Variants in ACTR3B observed in about 807,000 individuals in gnomAD.
ACTR3B encodes actin-related protein 3B.
A neutral mutation model predicts 59.0 loss-of-function variants in ACTR3B; 8 were observed. That is an observed-to-expected ratio of 0.14 (90% CI 0.08 to 0.24). The LOEUF is 0.24. ACTR3B is among the 10% of genes least tolerant of loss of function. The probability of loss-of-function intolerance (pLI) is 1.00; values close to 1 mark genes in which losing one functional copy is unlikely to be tolerated. For missense variants in ACTR3B, 245 were observed against 552.3 expected, an observed-to-expected ratio of 0.44 and a Z score of 5.58; for synonymous variants, 148 against 197.9, an observed-to-expected ratio of 0.75 and a Z score of 2.12.
At chr7:152,763,005 T>C (rs1395469736) in intron 1 of ACTR3B, among the ~76,000 whole-genome samples, 2 of 152,166 alleles carry the variant, frequency 1.3e-5, no homozygotes, top group Non-Finnish European at 2.9e-5. Flanking sequence ...GTTCAGTTAC[T>C]ATTTTTCTTT....
chr7:152,813,445 T>C (rs1344169661), intron 4 of ACTR3B: 2 of 152,266 alleles, frequency 1.3e-5, no homozygotes, highest in Non-Finnish European at 2.9e-5. Context: ...CGGTTATTGT[T>C]TTAAAATAGA....
rs749074415 is a variant in ACTR3B at position 152,825,125 on chromosome 7, A to G, written c.951+3A>G. 6.2e-7 allele frequency: 1 copy of G among 1,612,476 alleles called. No homozygotes were observed. The highest frequency in any genetic ancestry group is 8.5e-7 in the Non-Finnish European group (1 of 1,179,440). On this transcript the variant is annotated splice_donor_region_variant and intron_variant, in intron 9 of 11. Transcript: ENST00000256001. ...ATGTGCGGCGCCCGCTGTATAAGGTATGAGCTGCCTGGGTAAGGTACTTTG... is the reference window on the plus strand; with the variant it reads ...ATGTGCGGCGCCCGCTGTATAAGGTGTGAGCTGCCTGGGTAAGGTACTTTG...
chr7:152,783,339 T>TA lies in ACTR3B; in HGVS notation c.100+98dup, dbSNP rs1195896088. ...GTTTTTCAAGGTATATTAATGTACT[T>TA]ACCATCTTCTTTTAGAAGACCGTTC... On this transcript the variant is annotated intron_variant, in intron 2 of 11. Coordinates refer to ENST00000256001, the MANE Select transcript of ACTR3B (RefSeq NM_020445.6). 5 of 1,494,408 alleles carry TA rather than the reference T, an allele frequency of 3.3e-6. No homozygotes were observed. The African/African-American group carries it at 7.0e-5, about 21-fold the overall frequency. The allele number at this position is 1,494,408 out of a possible 1,614,324, so 92.6% of individuals were successfully genotyped here.
chr7:152,840,682 C>T (rs1162438278), intron 9 of ACTR3B, among the ~76,000 whole-genome samples: 5 of 115,002 alleles, frequency 4.3e-5, no homozygotes, highest in Non-Finnish European at 7.4e-5. Flanking sequence ...TGTCACTTAA[C>T]ACTTGTATGT....
At chr7:152,823,971 A>G (rs1796384041) in intron 8 of ACTR3B, among the ~76,000 whole-genome samples, 1 of 152,218 alleles carries the variant, frequency 6.6e-6, no homozygotes, top group Non-Finnish European at 1.5e-5. Flanking sequence ...CAAGTTAGGT[A>G]AAGCTTCTGT....
chr7:152,772,172 G>T (rs1438839911), intron 1 of ACTR3B, among the ~76,000 whole-genome samples: 4 of 151,996 alleles, frequency 2.6e-5, no homozygotes, highest in Admixed American at 6.6e-5. Context: ...AATCACCTTA[G>T]TCTTGGGGTT....
At chr7:152,795,180 A>G (rs1297987065) in intron 2 of ACTR3B, among the ~76,000 whole-genome samples, 3 of 152,152 alleles carry the variant, frequency 2.0e-5, no homozygotes, top group African/African-American at 7.2e-5. Flanking sequence ...GATTACAGGC[A>G]TGGGCCACCA....
At chr7:152,778,902 C>T (rs1180624404) in intron 1 of ACTR3B, among the ~76,000 whole-genome samples, 3 of 119,234 alleles carry the variant, frequency 2.5e-5, no homozygotes, top group Non-Finnish European at 4.8e-5. Context: ...GTGATCACAC[C>T]ACTGTACTCC....
chr7:152,829,210 G>A (rs991915073), intron 9 of ACTR3B, among the ~76,000 whole-genome samples: 3 of 152,034 alleles, frequency 2.0e-5, no homozygotes, highest in African/African-American at 7.2e-5. Context: ...TTTTCAGTGT[G>A]TACAGTGAGA....
chr7:152,801,827 C>T (rs1382151457), intron 4 of ACTR3B, 96 bp downstream of exon 4: 4 of 564,272 alleles, frequency 7.1e-6, no homozygotes, highest in Non-Finnish European at 1.2e-5. Flanking sequence ...TTTTAAATTT[C>T]TTCTAAAGAT....
At chr7:152,829,553 A>AG (rs1491278725) in intron 9 of ACTR3B, among the ~76,000 whole-genome samples, 1 of 152,178 alleles carries the variant, frequency 6.6e-6, no homozygotes, top group African/African-American at 2.4e-5. Flanking sequence ...CAGAAATGAC[A>AG]GGGGTGGGGC....
rs1796044010 is a variant in ACTR3B, at chr7:152,820,309, A to T, written c.551A>T (p.Tyr184Phe). 6.3e-7 allele frequency: 1 copy of T among 1,588,646 alleles called. No individual in the cohort carries two copies. Among genetic ancestry groups the T allele is most frequent in the African/African-American group, 1.3e-5 (1 of 74,686 alleles). Reference sequence around the variant, plus strand: ...CCTCTTCTTCCCTAGGCAGAAGGTTATGTAATTGGAAGCTGCATCAAACAC... The same window carrying T: ...CCTCTTCTTCCCTAGGCAGAAGGTTTTGTAATTGGAAGCTGCATCAAACAC... ...VTHVIPVAEG[Y>F]VIGSCIKHIP... The change falls in exon 7 of 12, where the codon TAT (tyrosine) becomes TTT (phenylalanine). Residue 184 changes from tyrosine to phenylalanine, a missense_variant. By Grantham distance (22) the Tyr-to-Phe change is conservative. Coordinates refer to ENST00000256001, the MANE Select transcript of ACTR3B (RefSeq NM_020445.6).
At chr7:152,762,268 T>C (rs2098091824) in intron 1 of ACTR3B, among the ~76,000 whole-genome samples, 1 of 152,242 alleles carries the variant, frequency 6.6e-6, no homozygotes, top group African/African-American at 2.4e-5. Flanking sequence ...AAGGGATGAC[T>C]AGGCTGCATA....
chr7:152,831,715 A>G (rs1158027749), intron 9 of ACTR3B, among the ~76,000 whole-genome samples: 2 of 152,134 alleles, frequency 1.3e-5, no homozygotes, highest in Non-Finnish European at 2.9e-5. Flanking sequence ...ACTAGGGTGA[A>G]GGAGAAGTAG....
intron 9 of ACTR3B, among the ~76,000 whole-genome samples, chr7:152,828,665 A>C (rs1375562864): frequency 6.6e-5 from 10 of 152,164 alleles, no homozygotes; most frequent in African/African-American, 2.2e-4. Context: ...CCTGTGTCTT[A>C]GGGGTGTGCC....
chr7:152,763,313 CAAAAAAAAAAAAAA>C (rs925259822), intron 1 of ACTR3B, among the ~76,000 whole-genome samples: 7 of 20,494 alleles, frequency 3.4e-4, no homozygotes, highest in Admixed American at 6.3e-4. Flanking sequence ...GACTCCATCT[CAAAAAAAAAAAAAA>C]AAAAAAAAAA....
chr7:152,787,234 G>A (rs891576252), intron 2 of ACTR3B, among the ~76,000 whole-genome samples: 9 of 152,288 alleles, frequency 5.9e-5, no homozygotes, highest in Admixed American at 3.9e-4. Context: ...AATGTAAAAT[G>A]ATGGCTCATT....
intron 1 of ACTR3B, among the ~76,000 whole-genome samples, chr7:152,760,208 G>T (rs1366158550): frequency 6.6e-6 from 1 of 152,126 alleles, no homozygotes. Flanking sequence ...CCCCGCCCAC[G>T]TGGCCGGGCC....
intron 3 of ACTR3B, among the ~76,000 whole-genome samples, chr7:152,801,280 A>G (rs1392017334): frequency 1.3e-5 from 2 of 152,126 alleles, no homozygotes; most frequent in Non-Finnish European, 2.9e-5. Context: ...GTGTCTTGCT[A>G]TGTTGCCCTG....
Sources: allele counts gnomAD v4.1 joint callset (sites outside exome capture counted in the v4.1 genomes callset), GRCh38; gene constraint gnomAD v4.1.1; transcripts MANE v1.5; gene names NCBI Gene and HGNC (gene_info 2026-07-23, HGNC 2026-07-21).